The following ZBED5 variants were observed in gnomAD, a reference collection of about 807,000 sequenced individuals.
The protein encoded by ZBED5 is zinc finger BED domain-containing protein 5.
In ZBED5, 29 loss-of-function variants were observed where a neutral mutation model predicts 49.2. The observed-to-expected ratio is 0.59, with a 90% CI of 0.44 to 0.80. ZBED5 has a LOEUF of 0.80. Among genes scored for constraint, ZBED5 ranks in the 30% least tolerant of loss-of-function variants. The pLI is 0.00. For missense variants in ZBED5, 775 were observed against 812.9 expected (o/e 0.95, Z 0.57); for synonymous variants, 281 against 292.5 (o/e 0.96, Z 0.40).
intron 1 of ZBED5, 56 bp from the exon 2 acceptor site, chr11:10,856,313 C>T (rs1419025107): frequency 1.3e-5 from 2 of 152,096 alleles, no homozygotes; most frequent in Admixed American, 6.5e-5. Flanking sequence ...AACTATAAAC[C>T]CGTAAGATGG....
chr11:10,854,887 T>A lies in ZBED5; in HGVS notation c.59A>T (p.Asn20Ile). The change falls in exon 3 of 3, where the codon AAT becomes ATT. Residue 20 changes from asparagine to isoleucine, a missense_variant. Physicochemically the swap from Asn to Ile is moderately radical, Grantham distance 149 (BLOSUM62 -3). Transcript: ENST00000413761. This position sits in a 1 kb window ranked among gnomAD's most constrained non-coding sequence, Gnocchi z 5.0. ...AAACATGGTTAATTTAGAATAGACA[T>A]TGAGTATCGCAAATGTGTTGAAATT... is the stretch of plus-strand genomic sequence containing the variant. ...SYNFNTFAIL[N>I]VYSKLTMFCT... 1 of 1,551,662 alleles carries A rather than the reference T, an allele frequency of 6.4e-7. No individual in the cohort carries two copies. Among genetic ancestry groups the A allele is most frequent in the African/African-American group, 1.4e-5 (1 of 73,172 alleles).
At chr11:10,856,370 A>G (rs968413843) in intron 1 of ZBED5, 113 bp from the exon 2 acceptor site, 3 of 152,208 alleles carry the variant, frequency 2.0e-5, no homozygotes, top group Non-Finnish European at 4.4e-5. Context: ...CTTTACTGCA[A>G]TGCAGATCTT....
Position 10,855,653 on chromosome 11 carries a change from TAAAC to T in ZBED5, c.-142+487_-142+490del, listed in dbSNP as rs1324914469. ...TAGCAACAATTCTGAAGAAGTGAAT[TAAAC>T]ACACACACAGTTCCAAGTTTTGCGA... On this transcript the variant is annotated intron_variant, in intron 2 of 2. Transcript: ENST00000413761. This position sits in a 1 kb window ranked among gnomAD's most constrained non-coding sequence, Gnocchi z 4.1. The T allele has an allele frequency of 1.3e-5, 2 of 152,204 alleles. No individual in the cohort carries two copies. The highest frequency in any genetic ancestry group is 2.9e-5 in the Non-Finnish European group (2 of 68,034). 9.4% of individuals were successfully genotyped at this position (152,204 alleles called of 1,614,324 possible). A position where few individuals can be genotyped will look rare whatever the true frequency, so the allele number is the denominator to read the frequency against.
chr11:10,854,066 G>A lies in ZBED5; in HGVS notation c.880C>T (p.Arg294Cys), dbSNP rs1848144155. Residue 294 changes from arginine (R) to cysteine (C), a missense_variant, in exon 3 of 3, where the codon CGT (arginine) becomes TGT (cysteine). Coordinates refer to ENST00000413761, the MANE Select transcript of ZBED5 (RefSeq NM_001143667.2). The surrounding 1 kb of genome is among the most constrained non-coding windows in gnomAD (Gnocchi z 5.0). ...TCAATAGACTTATTAAACCTATAAC[G>A]AACAAACACAAGCAGCACAGCAAGT... ...SGLAVLLVFVRYRFNKSIEED... is the reference protein window; with the variant it reads ...SGLAVLLVFVCYRFNKSIEED... 2 of 1,550,702 alleles carry A rather than the reference G, an allele frequency of 1.3e-6. No homozygotes were observed. The highest frequency in any genetic ancestry group is 1.7e-6 in the Non-Finnish European group (2 of 1,146,762).
In ZBED5 at chr11:10,853,116, T is replaced by C; in HGVS notation, c.1830A>G (p.Glu610=). 1.3e-6 allele frequency: 2 copies of C among 1,551,608 alleles called. No homozygotes were observed. The highest frequency in any genetic ancestry group is 2.4e-5 in the South Asian group (2 of 84,058). ...SDSQVKQNFS[E]LSLNDFWSSL... ...TACTCCAAAAATCATTTAGTGAAAG[T>C]TCACTAAAATTTTGCTTCACTTGAG... The change falls in exon 3 of 3, where the codon GAA becomes GAG. Residue 610 remains glutamate (E), a synonymous_variant. Coordinates refer to ENST00000413761, the MANE Select transcript of ZBED5 (RefSeq NM_001143667.2). This position sits in a 1 kb window ranked among gnomAD's most constrained non-coding sequence, Gnocchi z 5.4.
chr11:10,853,928 C>T lies in ZBED5; in HGVS notation c.1018G>A (p.Asp340Asn), dbSNP rs1460174360. The change falls in exon 3 of 3, where the codon GAT (aspartate) becomes AAT (asparagine). Residue 340 changes from aspartate (D) to asparagine (N), a missense_variant. Asp to Asn is a conservative substitution (Grantham distance 23). Transcript: ENST00000413761. The surrounding 1 kb of genome is among the most constrained non-coding windows in gnomAD (Gnocchi z 5.4). The stretch of plus-strand genomic sequence containing the variant: ...GCCCTAGAAGCATCACTACAAACAT[C>T]AACACATTTTTCCCATTCAATTTCA... ...KHEIEWEKCV[D>N]VCSDASRAVD... is the part of the protein sequence containing the mutation. 2 of 1,551,460 alleles carry T rather than the reference C, an allele frequency of 1.3e-6. No homozygotes were observed. Among genetic ancestry groups the T allele is most frequent in the Non-Finnish European group, 1.7e-6 (2 of 1,146,952 alleles).
In ZBED5 at chr11:10,853,790, T is replaced by G; in HGVS notation, c.1156A>C (p.Thr386Pro). ...TGGTCTAGCACATTTTTTAGAGATG[T>G]AGGCATTATTTTAACTGCCAGTGCA... ...RHALAVKIMP[T>P]SLKNVLDQAV... Residue 386 changes from threonine to proline, a missense_variant, in exon 3 of 3, where the codon ACA becomes CCA. Transcript: ENST00000413761. This position sits in a 1 kb window ranked among gnomAD's most constrained non-coding sequence, Gnocchi z 5.4. The G allele has an allele frequency of 6.4e-7, 1 of 1,551,658 alleles. No individual in the cohort carries two copies. Among genetic ancestry groups the G allele is most frequent in the Admixed American group, 2.0e-5 (1 of 51,004 alleles).
intron 1 of ZBED5, among the ~76,000 whole-genome samples, chr11:10,856,662 C>T (rs964042138): frequency 8.5e-5 from 13 of 152,138 alleles, no homozygotes; most frequent in Non-Finnish European, 5.9e-5. Flanking sequence ...TTTTTAGCCC[C>T]CCAGTGACCA....
Position 10,853,631 on chromosome 11 carries a change from T to A in ZBED5, c.1315A>T (p.Lys439Ter). 6.4e-7 allele frequency: 1 copy of A among 1,551,638 alleles called. No individual in the cohort carries two copies. The highest frequency in any genetic ancestry group is 1.2e-5 in the South Asian group (1 of 84,058). The part of the protein sequence containing the change: ...NTEVRWLSRG[K>*]VLVRLFELRR... Reference sequence around the variant, plus strand: ...AGTTCAAAAAGTCTTACAAGAACTTTACCTCGAGAAAGCCACCTCACCTCT... The same window carrying A: ...AGTTCAAAAAGTCTTACAAGAACTTAACCTCGAGAAAGCCACCTCACCTCT... Residue 439 changes from lysine to a stop codon, truncating the protein, a stop_gained, in exon 3 of 3, where the codon AAA becomes TAA. Coordinates refer to ENST00000413761, the MANE Select transcript of ZBED5 (RefSeq NM_001143667.2). LOFTEE classifies it high-confidence loss of function. The surrounding 1 kb of genome is among the most constrained non-coding windows in gnomAD (Gnocchi z 5.4).
rs1186924913 is a variant in ZBED5 at position 10,854,354 on chromosome 11, A to G, written c.592T>C (p.Tyr198His). 1.3e-6 allele frequency: 2 copies of G among 1,550,776 alleles called. No homozygotes were observed. Among genetic ancestry groups the G allele is most frequent in the Non-Finnish European group, 1.7e-6 (2 of 1,146,928 alleles). The change falls in exon 3 of 3, where the codon TAC (tyrosine) becomes CAC (histidine). Residue 198 changes from tyrosine to histidine, a missense_variant. Physicochemically the swap from Tyr to His is moderately conservative, Grantham distance 83. Transcript: ENST00000413761. This position sits in a 1 kb window ranked among gnomAD's most constrained non-coding sequence, Gnocchi z 5.0. ...TDNESATEAS[Y>H]NVSYHIALSG... ...AGCGCTATATGGTAACTTACATTGT[A>G]TGATGCTTCTGTAGCACTTTCATTA...
In ZBED5 at chr11:10,853,614, A is replaced by G; in HGVS notation, c.1332T>C (p.Leu444=). ...CCAAAAGTTCACGACGAAGTTCAAA[A>G]AGTCTTACAAGAACTTTACCTCGAG... ...WLSRGKVLVR[L]FELRRELLVF... Residue 444 remains leucine, a synonymous_variant, in exon 3 of 3, where the codon CTT becomes CTC. Transcript: ENST00000413761. This position sits in a 1 kb window ranked among gnomAD's most constrained non-coding sequence, Gnocchi z 5.4. 7 of 1,551,384 alleles carry G rather than the reference A, an allele frequency of 4.5e-6. No homozygotes were observed. Among genetic ancestry groups the G allele is most frequent in the Non-Finnish European group, 6.1e-6 (7 of 1,146,890 alleles).
Position 10,853,257 on chromosome 11 carries a change from G to C in ZBED5, c.1689C>G (p.Tyr563Ter), listed in dbSNP as rs1215952734. 1.3e-6 allele frequency: 2 copies of C among 1,551,436 alleles called. No homozygotes were observed. Among genetic ancestry groups the C allele is most frequent in the African/African-American group, 2.7e-5 (2 of 73,020 alleles). ...CATTATTGTCATTTGTTACAGGAAAGTATTTTAACAGAGTAGCGCGCAAAC... is the reference window on the plus strand; with the variant it reads ...CATTATTGTCATTTGTTACAGGAAACTATTTTAACAGAGTAGCGCGCAAAC... ...LRGLRATLLKYFPVTNDNNAW... is the reference protein window; with the variant it reads ...LRGLRATLLK The change falls in exon 3 of 3, where the codon TAC becomes TAG. Residue 563 changes from tyrosine (Y) to a stop codon, truncating the protein, a stop_gained. Coordinates refer to ENST00000413761, the MANE Select transcript of ZBED5 (RefSeq NM_001143667.2). LOFTEE classifies it high-confidence loss of function. This position sits in a 1 kb window ranked among gnomAD's most constrained non-coding sequence, Gnocchi z 5.4.
chr11:10,855,163 CAT>C lies in ZBED5; in HGVS notation c.-141-79_-141-78del. 2.2e-6 allele frequency: 1 copy of C among 451,586 alleles called. No individual in the cohort carries two copies. The highest frequency in any genetic ancestry group is 7.1e-5 in the South Asian group (1 of 14,034). The allele number at this position is 451,586 out of a possible 1,614,324, so 28.0% of individuals were successfully genotyped here. On this transcript the variant is annotated intron_variant, in intron 2 of 2. Coordinates refer to ENST00000413761, the MANE Select transcript of ZBED5 (RefSeq NM_001143667.2). This position sits in a 1 kb window ranked among gnomAD's most constrained non-coding sequence, Gnocchi z 4.1. ...AGTCTTAATCTCATATTTAAATAAA[CAT>C]ATTAAAATCAACCATAAAGAAAAAC...
In ZBED5 at chr11:10,853,116, T is replaced by G; in HGVS notation, c.1830A>C (p.Glu610Asp). ...SDSQVKQNFS[E>D]LSLNDFWSSL... ...TACTCCAAAAATCATTTAGTGAAAG[T>G]TCACTAAAATTTTGCTTCACTTGAG... is the stretch of plus-strand genomic sequence containing the variant. Residue 610 changes from glutamate (E) to aspartate (D), a missense_variant, in exon 3 of 3, where the codon GAA becomes GAC. Transcript: ENST00000413761. This position sits in a 1 kb window ranked among gnomAD's most constrained non-coding sequence, Gnocchi z 5.4. 6.4e-7 allele frequency: 1 copy of G among 1,551,608 alleles called. No individual in the cohort carries two copies. Among genetic ancestry groups the G allele is most frequent in the African/African-American group, 1.4e-5 (1 of 73,138 alleles).
Position 10,857,523 on chromosome 11 carries a change from C to A in ZBED5, c.-256+339G>T, listed in dbSNP as rs1848199903. 6.6e-6 allele frequency: 1 copy of A among 152,448 alleles called. No homozygotes were observed. The highest frequency in any genetic ancestry group is 1.5e-5 in the Non-Finnish European group (1 of 68,248). 9.4% of individuals were successfully genotyped at this position (152,448 alleles called of 1,614,324 possible). On this transcript the variant is annotated intron_variant, in intron 1 of 2. Coordinates refer to ENST00000413761, the MANE Select transcript of ZBED5 (RefSeq NM_001143667.2). This position sits in a 1 kb window ranked among gnomAD's most constrained non-coding sequence, Gnocchi z 6.3. ...GGTCACCTGGATGTGCAGCCAGGGC[C>A]AACTATCCCTCAGCTCCTCCCTGTC...
chr11:10,853,460 C>T lies in ZBED5; in HGVS notation c.1486G>A (p.Val496Met), dbSNP rs1237260423. ...TTATCAAATACTGTAAAAACGGTCA[C>T]ATTTTTTCCTTGCATTGACAAATTA... ...EVNLSMQGKN[V>M]TVFTVFDKMS... Residue 496 changes from valine (V) to methionine (M), a missense_variant, in exon 3 of 3, where the codon GTG (valine) becomes ATG (methionine). Transcript: ENST00000413761. This position sits in a 1 kb window ranked among gnomAD's most constrained non-coding sequence, Gnocchi z 5.4. 1.5e-5 allele frequency: 24 copies of T among 1,550,700 alleles called. No homozygotes were observed. Among genetic ancestry groups the T allele is most frequent in the Non-Finnish European group, 1.9e-5 (22 of 1,146,572 alleles).
At position 10,854,778 on chromosome 11, in the gene ZBED5, A is replaced by T; in HGVS notation, c.168T>A (p.Ile56=). The change falls in exon 3 of 3, where the codon ATT becomes ATA. Residue 56 remains isoleucine (I), a synonymous_variant. Transcript: ENST00000413761. The surrounding 1 kb of genome is among the most constrained non-coding windows in gnomAD (Gnocchi z 5.0). ...CCTTCTGATCATTTGATTCAGACAC[A>T]ATCTGATAACAGAAAGATTCCACTT... is the stretch of plus-strand genomic sequence containing the variant. ...KQEVESFCYQ[I]VSESNDQKVG... 6.4e-7 allele frequency: 1 copy of T among 1,552,050 alleles called. No homozygotes were observed. The highest frequency in any genetic ancestry group is 2.4e-5 in the East Asian group (1 of 40,906).
In ZBED5 at chr11:10,854,160, C is replaced by T. The variant is rs1362378094; in HGVS notation, c.786G>A (p.Glu262=). Residue 262 remains glutamate (E), a synonymous_variant, in exon 3 of 3, where the codon GAG becomes GAA. Transcript: ENST00000413761. The surrounding 1 kb of genome is among the most constrained non-coding windows in gnomAD (Gnocchi z 5.0). ...CGCAAATTTTCAGTCTACAAACAAG[C>T]TCTTCTTCAATGTCAGCAGCTAGAT... ...IKDLAADIEE[E]LVCRLKICDG... is the part of the protein sequence containing the mutation. 2.6e-6 allele frequency: 4 copies of T among 1,550,888 alleles called. No homozygotes were observed. The highest frequency in any genetic ancestry group is 3.5e-6 in the Non-Finnish European group (4 of 1,146,582).
chr11:10,853,670 G>C lies in ZBED5; in HGVS notation c.1276C>G (p.Leu426Val). 2 of 1,551,644 alleles carry C rather than the reference G, an allele frequency of 1.3e-6. No individual in the cohort carries two copies. Among genetic ancestry groups the C allele is most frequent in the Non-Finnish European group, 1.7e-6 (2 of 1,146,930 alleles). Residue 426 changes from leucine to valine, a missense_variant, in exon 3 of 3, where the codon CTT becomes GTT. By Grantham distance (32) the Leu-to-Val change is conservative. Transcript: ENST00000413761. This position sits in a 1 kb window ranked among gnomAD's most constrained non-coding sequence, Gnocchi z 5.4. Reference protein sequence around the residue: ...CEEMGAQHTALLLNTEVRWLS... With the variant: ...CEEMGAQHTAVLLNTEVRWLS... ...CACCTCACCTCTGTATTTAGAAGAA[G>C]TGCTGTGTGCTGAGCACCCATTTCC... is the stretch of plus-strand genomic sequence containing the variant.
Sources: allele counts gnomAD v4.1 joint callset (sites outside exome capture counted in the v4.1 genomes callset), GRCh38; gene constraint gnomAD v4.1.1; non-coding constraint Gnocchi (gnomAD v3.1); transcripts MANE v1.5; gene names NCBI Gene and HGNC (gene_info 2026-07-23, HGNC 2026-07-21).